IRF2: variants seen among roughly 807,000 people sequenced by gnomAD.
IRF2 encodes the protein interferon regulatory factor 2.
Under a neutral mutation model 40.6 loss-of-function variants are expected in IRF2, and 15 were observed. That is an observed-to-expected ratio of 0.37 (90% confidence interval 0.25 to 0.57). IRF2 has a LOEUF of 0.57. IRF2 is among the 20% of genes least tolerant of loss of function. IRF2 has a pLI of 0.77. For missense variants in IRF2, 317 were observed against 455.7 expected, an observed-to-expected ratio of 0.70 and a Z score of 2.77; for synonymous variants, 151 against 165.5, an observed-to-expected ratio of 0.91 and a Z score of 0.67.
At chr4:184,429,174 G>T in intron 1 of IRF2, 104 bp from the exon 2 acceptor site, 2 of 799,606 alleles carry the variant, frequency 2.5e-6, no homozygotes. Flanking sequence ...CTCCTTTCCT[G>T]GGGCTGGGGA....
intron 5 of IRF2, among the ~76,000 whole-genome samples, chr4:184,416,286 C>T (rs1351312250): frequency 6.8e-6 from 1 of 147,288 alleles, no homozygotes; most frequent in African/African-American, 2.5e-5. Flanking sequence ...TCACTTCACT[C>T]CAGCCTGGGT....
chr4:184,452,643 C>T (rs1050803889), intron 1 of IRF2, among the ~76,000 whole-genome samples: 1 of 151,760 alleles, frequency 6.6e-6, no homozygotes, highest in Non-Finnish European at 1.5e-5. Flanking sequence ...CGGTGGCTCA[C>T]ACCTGTAATC....
chr4:184,447,561 T>C (rs1216895547), intron 1 of IRF2, among the ~76,000 whole-genome samples: 1 of 152,170 alleles, frequency 6.6e-6, no homozygotes, highest in African/African-American at 2.4e-5. Flanking sequence ...CAAAATATTT[T>C]TTATGACAAA....
chr4:184,460,131 G>A (rs545801500), intron 1 of IRF2, among the ~76,000 whole-genome samples: 1 of 152,300 alleles, frequency 6.6e-6, no homozygotes, highest in African/African-American at 2.4e-5. Flanking sequence ...ACACAATCTA[G>A]GAATATTACT....
intron 1 of IRF2, among the ~76,000 whole-genome samples, chr4:184,465,127 C>G (rs1413293312): frequency 2.0e-5 from 3 of 152,190 alleles, no homozygotes; most frequent in Admixed American, 6.5e-5. Context: ...AATCATATCT[C>G]AAGCCCTTCA....
In IRF2 at chr4:184,429,047, C is replaced by A. The variant is rs1384283486; in HGVS notation, c.18G>T (p.Met6Ile). Residue 6 changes from methionine to isoleucine, a missense_variant, in exon 2 of 9, where the codon ATG (methionine) becomes ATT (isoleucine). Met to Ile is a conservative substitution (Grantham distance 10). This residue lies in a region of IRF2 where 55 missense variants were observed against 121.7 expected (regional missense o/e 0.45). Transcript: ENST00000393593. ...GCTCCTCCAGCCACGGGCGCATGCG[C>A]ATCCTTTCCACCGGCATGGTGCCCT... MPVER[M>I]RMRPWLEEQI... is the part of the protein sequence containing the mutation. 6.2e-7 allele frequency: 1 copy of A among 1,614,066 alleles called. No homozygotes were observed.
intron 6 of IRF2, among the ~76,000 whole-genome samples, chr4:184,401,551 G>A (rs942427385): frequency 2.6e-5 from 4 of 152,178 alleles, no homozygotes; most frequent in Non-Finnish European, 4.4e-5. Flanking sequence ...ATTATCCTAC[G>A]TGAGGGTGAG....
intron 6 of IRF2, chr4:184,407,042 A>G: frequency 2.4e-6 from 1 of 423,834 alleles, no homozygotes; most frequent in Admixed American, 3.3e-5. Flanking sequence ...GCTTTATTAA[A>G]GGGTGGGGCT....
chr4:184,442,034 G>A (rs763215901), intron 1 of IRF2, among the ~76,000 whole-genome samples: 5 of 152,158 alleles, frequency 3.3e-5, no homozygotes, highest in Admixed American at 6.5e-5. Flanking sequence ...CTGGGAGCCT[G>A]TGTGGAAGGG....
intron 1 of IRF2, among the ~76,000 whole-genome samples, chr4:184,433,872 G>A (rs1024615372): frequency 3.3e-5 from 5 of 152,200 alleles, no homozygotes; most frequent in African/African-American, 4.8e-5. Context: ...ACGACTAGCC[G>A]AGGGTGAGCG....
intron 8 of IRF2, among the ~76,000 whole-genome samples, chr4:184,390,416 G>A (rs13119453): frequency 0.23 from 35,670 of 152,128 alleles, 5,178 homozygotes; most frequent in South Asian, 0.43. Context: ...TAAGAGCATC[G>A]GCATTTCCCA....
intron 1 of IRF2, among the ~76,000 whole-genome samples, chr4:184,436,864 T>C (rs1738098661): frequency 6.6e-6 from 1 of 152,188 alleles, no homozygotes; most frequent in African/African-American, 2.4e-5. Context: ...TCTAACCAGT[T>C]AAATACTAGT....
chr4:184,451,499 T>G (rs1738713944), intron 1 of IRF2, among the ~76,000 whole-genome samples: 1 of 152,130 alleles, frequency 6.6e-6, no homozygotes, highest in African/African-American at 2.4e-5. Flanking sequence ...CTATCCTCAT[T>G]TTAAAAGGGT....
chr4:184,452,021 C>T (rs552137278), intron 1 of IRF2, among the ~76,000 whole-genome samples: 55 of 152,290 alleles, frequency 3.6e-4, no homozygotes, highest in Non-Finnish European at 6.9e-4. Flanking sequence ...ATCTCTCACA[C>T]CAAATGCAGC....
intron 1 of IRF2, among the ~76,000 whole-genome samples, chr4:184,437,051 A>C (rs1252225656): frequency 6.6e-6 from 1 of 151,794 alleles, no homozygotes; most frequent in Admixed American, 6.6e-5. Context: ...CACCCAGCTA[A>C]TTTTTTGTTT....
rs70959195 is a variant in IRF2, at chr4:184,419,571, GA to G, written c.88-4del. The G allele has an allele frequency of 0.075, 67,530 of 896,454 alleles. 23 individuals carry two copies. The highest frequency in any genetic ancestry group is 0.12 in the Middle Eastern group (499 of 4,142). The allele number at this position is 896,454 out of a possible 1,614,324, so 55.5% of individuals were successfully genotyped here. Reference sequence around the variant, plus strand: ...GGGATCTGAAAAATCTTCTTTTCCTGAAAAAAAAAAAAAAAAAAAAGGTAAA... The same window carrying G: ...GGGATCTGAAAAATCTTCTTTTCCTGAAAAAAAAAAAAAAAAAAAGGTAAA... On this transcript the variant is annotated splice_polypyrimidine_tract_variant and splice_region_variant and intron_variant, in intron 2 of 8. Coordinates refer to ENST00000393593, the MANE Select transcript of IRF2 (RefSeq NM_002199.4).
chr4:184,399,195 G>T, intron 6 of IRF2, 116 bp from the exon 7 acceptor site: 1 of 1,054,518 alleles, frequency 9.5e-7, no homozygotes, highest in Non-Finnish European at 1.3e-6. Context: ...ATCACCATCT[G>T]TCCCCTGCCA....
At chr4:184,460,665 GCACA>G (rs200593443) in intron 1 of IRF2, among the ~76,000 whole-genome samples, 53 of 110,452 alleles carry the variant, frequency 4.8e-4, no homozygotes, top group Non-Finnish European at 5.8e-4. Context: ...ACATGCACGC[GCACA>G]CACACACACA....
chr4:184,464,679 C>T (rs1739262259), intron 1 of IRF2, among the ~76,000 whole-genome samples: 1 of 152,152 alleles, frequency 6.6e-6, no homozygotes, highest in South Asian at 2.1e-4. Flanking sequence ...TCCCAAGGTG[C>T]TGGGAAGACG....
Sources: allele counts gnomAD v4.1 joint callset (sites outside exome capture counted in the v4.1 genomes callset), GRCh38; gene constraint gnomAD v4.1.1; regional missense constraint gnomAD v4.1.1; transcripts MANE v1.5; gene names NCBI Gene and HGNC (gene_info 2026-07-23, HGNC 2026-07-21).